The following TRMT9B variants were observed in gnomAD, a reference collection of about 807,000 sequenced individuals.
The protein encoded by TRMT9B is probable tRNA methyltransferase 9B.
A neutral mutation model predicts 11.5 loss-of-function variants in TRMT9B; 16 were observed. That is an observed-to-expected ratio of 1.39 (90% confidence interval 0.94 to 2.11). The LOEUF is 2.11. Among genes scored for constraint, TRMT9B ranks in the 30% most tolerant of loss-of-function variants. The pLI is 0.00. For missense variants in TRMT9B, 941 were observed against 553.8 expected, an observed-to-expected ratio of 1.70 and a Z score of -7.02; for synonymous variants, 274 against 192.4, an observed-to-expected ratio of 1.42 and a Z score of -3.51.
In TRMT9B at chr8:12,963,730, C is replaced by G. The variant is rs78953558; in HGVS notation, c.-200+17764C>G. Among the ~76,000 whole-genome samples the G allele has an allele frequency of 1.6e-3, 240 of 152,338 alleles. 3 individuals are homozygous for G. The East Asian group carries it at 0.042, about 26-fold the overall frequency. On this transcript the variant is annotated intron_variant, in intron 1 of 4. Transcript: ENST00000524591. ...CACCACTGCACTCCAGCCTGCGCAG[C>G]AGAAGAAGACCCTGTCTCAAACAAA...
rs983556389 is a variant in TRMT9B, at chr8:12,974,262, G to C, written c.-199-16572G>C. Among the ~76,000 whole-genome samples the C allele has an allele frequency of 2.0e-5, 3 of 151,908 alleles. No homozygotes were observed. The South Asian group carries it at 6.3e-4, about 32-fold the overall frequency. On this transcript the variant is annotated intron_variant, in intron 1 of 4. Coordinates refer to ENST00000524591, the MANE Select transcript of TRMT9B (RefSeq NM_020844.3). The stretch of plus-strand genomic sequence containing the variant: ...CCGTGACCCTGTCCCATTAACTACT[G>C]AGTTGGGAGTGAAGGATGCAACAAG...
rs1313826803 is a variant in TRMT9B at position 13,026,538 on chromosome 8, T to TA, written c.*4500dup. 6.0e-6 allele frequency: 1 copy of TA among 167,120 alleles called. No homozygotes were observed. Among genetic ancestry groups the TA allele is most frequent in the Non-Finnish European group, 1.5e-5 (1 of 68,140 alleles). 10.4% of individuals were successfully genotyped at this position (167,120 alleles called of 1,614,324 possible). On this transcript the variant is annotated 3_prime_UTR_variant, in exon 5 of 5. Coordinates refer to ENST00000524591, the MANE Select transcript of TRMT9B (RefSeq NM_020844.3). ...GTCCCCTGTCCCAGGGGCTGTTTGT[T>TA]AAAAAAGAGTAATAAAGGATTTTTG...
intron 1 of TRMT9B, among the ~76,000 whole-genome samples, chr8:12,969,148 A>T (rs1314139596): frequency 6.6e-6 from 1 of 152,178 alleles, no homozygotes; most frequent in Non-Finnish European, 1.5e-5. Flanking sequence ...TGGAGATTGC[A>T]GTGAGCTGAG....
At chr8:12,970,180 C>T (rs1160359115) in intron 1 of TRMT9B, 1 of 152,120 alleles carries the variant, frequency 6.6e-6, no homozygotes, top group East Asian at 1.9e-4. Flanking sequence ...CTTCTGTGAA[C>T]AAAAATATTT....
chr8:12,947,680 AG>A (rs1186422782), intron 1 of TRMT9B, among the ~76,000 whole-genome samples: 3 of 152,240 alleles, frequency 2.0e-5, no homozygotes, highest in African/African-American at 4.8e-5. Flanking sequence ...AATGGTCAAA[AG>A]CTTTAGGAAA....
At chr8:12,999,320 A>C (rs1379170942) in intron 2 of TRMT9B, among the ~76,000 whole-genome samples, 1 of 146,412 alleles carries the variant, frequency 6.8e-6, no homozygotes, top group Non-Finnish European at 1.5e-5. Flanking sequence ...AAAAAAGAAA[A>C]GAAAAAAAAA....
At chr8:13,018,361 C>G (rs1813182633) in intron 4 of TRMT9B, among the ~76,000 whole-genome samples, 1 of 144,652 alleles carries the variant, frequency 6.9e-6, no homozygotes, top group Admixed American at 7.0e-5. Context: ...GAGATGGAGC[C>G]ACTACATCCT....
chr8:13,005,521 T>A (rs1810298531), intron 2 of TRMT9B, among the ~76,000 whole-genome samples: 2 of 152,198 alleles, frequency 1.3e-5, no homozygotes, highest in African/African-American at 4.8e-5. Flanking sequence ...TGCATGCCTG[T>A]ATCAAAACAT....
chr8:13,022,023 GA>G lies in TRMT9B; in HGVS notation c.1349del (p.Lys450ArgfsTer17). On this transcript the variant is annotated frameshift_variant, in exon 5 of 5. Transcript: ENST00000524591. LOFTEE classifies it high-confidence loss of function. The part of the protein sequence containing the change: ...DHGNWCIIAE[K>X]KRGCD ...ATGGTAACTGGTGTATCATTGCAGAGAAAAAGAGAGGTTGTGATTGATTGGA... is the reference window on the plus strand; with the variant it reads ...ATGGTAACTGGTGTATCATTGCAGAGAAAAGAGAGGTTGTGATTGATTGGA... 1 of 1,591,020 alleles carries G rather than the reference GA, an allele frequency of 6.3e-7. No individual in the cohort carries two copies. Among genetic ancestry groups the G allele is most frequent in the Non-Finnish European group, 8.5e-7 (1 of 1,171,072 alleles).
At chr8:12,972,263 G>A (rs1022372776) in intron 1 of TRMT9B, among the ~76,000 whole-genome samples, 2 of 152,112 alleles carry the variant, frequency 1.3e-5, no homozygotes, top group East Asian at 3.9e-4. Context: ...TTGGACGAGG[G>A]GTCCCCAGAG....
At chr8:13,020,799 A>G (rs934433154) in intron 4 of TRMT9B, among the ~76,000 whole-genome samples, 1 of 152,218 alleles carries the variant, frequency 6.6e-6, no homozygotes, top group Non-Finnish European at 1.5e-5. Flanking sequence ...CAGCCATCTA[A>G]TATTAAAAGT....
Position 13,006,583 on chromosome 8 carries a change from A to T in TRMT9B, c.154+227A>T, listed in dbSNP as rs1315732866. On this transcript the variant is annotated intron_variant, in intron 3 of 4. Transcript: ENST00000524591. ...GGAATCCTGAAATTGCACCCTTGGC[A>T]TGCCAGTACCTAGAATATTCATTTT... 4.9e-6 allele frequency: 7 copies of T among 1,421,558 alleles called. No individual in the cohort carries two copies. In the South Asian group the frequency reaches 8.0e-5, roughly 16 times the overall value. 88.1% of individuals were successfully genotyped at this position (1,421,558 alleles called of 1,614,324 possible).
At chr8:12,973,581 G>T (rs1177251193) in intron 1 of TRMT9B, among the ~76,000 whole-genome samples, 1 of 152,222 alleles carries the variant, frequency 6.6e-6, no homozygotes, top group Non-Finnish European at 1.5e-5. Context: ...GGCCACGAAA[G>T]ACAGGTGGCA....
At chr8:12,985,236 G>A (rs1806091279) in intron 1 of TRMT9B, among the ~76,000 whole-genome samples, 1 of 152,172 alleles carries the variant, frequency 6.6e-6, no homozygotes, top group African/African-American at 2.4e-5. Flanking sequence ...GGATTCCAGA[G>A]AGGATCGTAT....
In TRMT9B at chr8:13,027,422, A is replaced by T. The variant is rs973964336; in HGVS notation, c.*5378A>T. 2 of 167,114 alleles carry T rather than the reference A, an allele frequency of 1.2e-5. No individual in the cohort carries two copies. Among genetic ancestry groups the T allele is most frequent in the African/African-American group, 4.8e-5 (2 of 41,466 alleles). The allele number at this position is 167,114 out of a possible 1,614,324, so 10.4% of individuals were successfully genotyped here. A position where few individuals can be genotyped will look rare whatever the true frequency, so the allele number is the denominator to read the frequency against. The stretch of plus-strand genomic sequence containing the variant: ...ACTTAATCTAGCTTACCCTAGACGT[A>T]TTAACATCCTATAGCGCACGTGTTC... On this transcript the variant is annotated 3_prime_UTR_variant, in exon 5 of 5. Transcript: ENST00000524591.
rs1046922132 is a variant in TRMT9B at position 13,027,296 on chromosome 8, T to C, written c.*5252T>C. ...ATTCTTCGTATTCCCTGTGTGCCTA[T>C]TACCAAGTTATATTGTTTAGTTTGA... is the stretch of plus-strand genomic sequence containing the variant. On this transcript the variant is annotated 3_prime_UTR_variant, in exon 5 of 5. Coordinates refer to ENST00000524591, the MANE Select transcript of TRMT9B (RefSeq NM_020844.3). 6.6e-5 allele frequency: 11 copies of C among 167,046 alleles called. No individual in the cohort carries two copies. Among genetic ancestry groups the C allele is most frequent in the African/African-American group, 2.7e-4 (11 of 41,454 alleles). 10.3% of individuals were successfully genotyped at this position (167,046 alleles called of 1,614,324 possible).
rs1460109645 is a variant in TRMT9B at position 12,991,032 on chromosome 8, G to T, written c.-2+1G>T. On this transcript the variant is annotated splice_donor_variant, in intron 2 of 4. Transcript: ENST00000524591. LOFTEE classifies it low-confidence loss of function (5UTR_SPLICE). Reference sequence around the variant, plus strand: ...TTCCTGTAATCACAGGATGACTCAGGTTAGTAGCTTTCAGCGCTTCTGCAA... The same window carrying T: ...TTCCTGTAATCACAGGATGACTCAGTTTAGTAGCTTTCAGCGCTTCTGCAA... The T allele has an allele frequency of 3.3e-6, 4 of 1,222,916 alleles. No individual in the cohort carries two copies. Among genetic ancestry groups the T allele is most frequent in the Admixed American group, 2.7e-5 (1 of 36,472 alleles). 75.8% of individuals were successfully genotyped at this position (1,222,916 alleles called of 1,614,324 possible). A position where few individuals can be genotyped will look rare whatever the true frequency, so the allele number is the denominator to read the frequency against.
chr8:12,968,397 AAGG>A (rs546736195), intron 1 of TRMT9B, among the ~76,000 whole-genome samples: 21 of 152,306 alleles, frequency 1.4e-4, no homozygotes, highest in Non-Finnish European at 2.6e-4. Context: ...ATTGCTGTAA[AAGG>A]AGACTTTTCC....
chr8:13,009,082 AGCATCCTGTCATTT>A (rs1811066947), intron 3 of TRMT9B, among the ~76,000 whole-genome samples: 2 of 152,084 alleles, frequency 1.3e-5, no homozygotes, highest in Admixed American at 6.6e-5. Context: ...AAAAAGGACC[AGCATCCTGTCATTT>A]GCGACAACAC....
Sources: gnomAD v4.1 joint callset for allele counts (sites outside exome capture counted in the v4.1 genomes callset) on GRCh38, gnomAD v4.1.1 for gene constraint, MANE v1.5 for transcripts, NCBI Gene and HGNC (gene_info 2026-07-23, HGNC 2026-07-21) for gene names.